RABEP1: variants seen among roughly 807,000 people sequenced by gnomAD.
RABEP1 encodes rab GTPase-binding effector protein 1.
Under a neutral mutation model 123.4 loss-of-function variants are expected in RABEP1, and 51 were observed. The observed-to-expected ratio is 0.41, with a 90% CI of 0.33 to 0.52. The LOEUF (loss-of-function observed/expected upper bound fraction) is 0.52. Ranked by LOEUF, RABEP1 falls within the 20% of genes least tolerant of loss-of-function variation. The pLI is 0.16. For synonymous variants in RABEP1, 347 were observed against 355.2 expected (o/e 0.98, Z 0.26); for missense variants, 888 against 996.3 (o/e 0.89, Z 1.46).
intron 8 of RABEP1, among the ~76,000 whole-genome samples, chr17:5,359,336 A>G (rs192448236): frequency 6.6e-6 from 1 of 152,084 alleles, no homozygotes; most frequent in African/African-American, 2.4e-5. Flanking sequence ...GGCCTCCCAA[A>G]GTGCTGGGAT....
chr17:5,367,127 T>C (rs983440783), intron 11 of RABEP1, among the ~76,000 whole-genome samples: 6 of 151,970 alleles, frequency 3.9e-5, no homozygotes, highest in African/African-American at 1.5e-4. Flanking sequence ...ATTATTTCTT[T>C]ATGGTTTGTG....
At chr17:5,375,208 A>G (rs1367621425) in intron 13 of RABEP1, among the ~76,000 whole-genome samples, 1 of 146,782 alleles carries the variant, frequency 6.8e-6, no homozygotes, top group African/African-American at 2.5e-5. Context: ...CTTTTTTCCT[A>G]TATATGTATT....
In RABEP1 at chr17:5,386,175, C is replaced by A; in HGVS notation, c.*2952C>A. The A allele has an allele frequency of 6.4e-7, 1 of 1,556,276 alleles. No individual in the cohort carries two copies. Among genetic ancestry groups the A allele is most frequent in the African/African-American group, 1.4e-5 (1 of 73,232 alleles). On this transcript the variant is annotated 3_prime_UTR_variant, in exon 18 of 18. Coordinates refer to ENST00000537505, the MANE Select transcript of RABEP1 (RefSeq NM_004703.6). ...ATGGGTTTAAGCCTTCAATGGTGTTCAGTTCAGGTGTGAGTCAGCTCCTGG... is the reference window on the plus strand; with the variant it reads ...ATGGGTTTAAGCCTTCAATGGTGTTAAGTTCAGGTGTGAGTCAGCTCCTGG...
At chr17:5,344,554 C>T (rs1907900685) in intron 5 of RABEP1, among the ~76,000 whole-genome samples, 1 of 151,662 alleles carries the variant, frequency 6.6e-6, no homozygotes, top group South Asian at 2.1e-4. Context: ...GGGCGGATCA[C>T]GAGGTCAGGA....
chr17:5,356,216 C>T (rs553000195), intron 8 of RABEP1, among the ~76,000 whole-genome samples: 4 of 152,122 alleles, frequency 2.6e-5, no homozygotes, highest in South Asian at 4.2e-4. Flanking sequence ...ATTAGCTGGG[C>T]GAGGTGGTGG....
chr17:5,298,857 G>A (rs1028510683), intron 1 of RABEP1, among the ~76,000 whole-genome samples: 2 of 151,852 alleles, frequency 1.3e-5, no homozygotes, highest in East Asian at 1.9e-4. Context: ...GGGTTTCACC[G>A]TGTTAGCCAG....
At chr17:5,372,549 G>T (rs894962086) in intron 12 of RABEP1, among the ~76,000 whole-genome samples, 1 of 152,216 alleles carries the variant, frequency 6.6e-6, no homozygotes, top group Non-Finnish European at 1.5e-5. Flanking sequence ...CATTCACAGT[G>T]ATTCCGAGCC....
intron 5 of RABEP1, among the ~76,000 whole-genome samples, chr17:5,341,367 A>T (rs1275164118): frequency 1.3e-5 from 2 of 152,230 alleles, no homozygotes; most frequent in Admixed American, 1.3e-4. Flanking sequence ...AGATGAAAAA[A>T]TTTCTAATAA....
At chr17:5,324,306 C>T (rs532944782) in intron 2 of RABEP1, among the ~76,000 whole-genome samples, 2 of 152,190 alleles carry the variant, frequency 1.3e-5, no homozygotes, top group Admixed American at 6.5e-5. Context: ...AACTCATCTG[C>T]AACAAAGGCA....
intron 1 of RABEP1, 49 bp from the exon 2 acceptor site, chr17:5,308,645 A>C (rs2075204734): frequency 2.0e-6 from 3 of 1,533,412 alleles, no homozygotes; most frequent in African/African-American, 2.8e-5. Context: ...TGTTTTATAA[A>C]TTTATGAATA....
In RABEP1 at chr17:5,383,857, T is replaced by C; in HGVS notation, c.*634T>C. The C allele has an allele frequency of 4.5e-6, 1 of 223,614 alleles. No individual in the cohort carries two copies. The highest frequency in any genetic ancestry group is 8.9e-6 in the Non-Finnish European group (1 of 112,034). The allele number at this position is 223,614 out of a possible 1,614,324, so 13.9% of individuals were successfully genotyped here. On this transcript the variant is annotated 3_prime_UTR_variant, in exon 18 of 18. Transcript: ENST00000537505. The stretch of plus-strand genomic sequence containing the variant: ...AAAACCAATTCATGAAGTGAATTAA[T>C]GATGAGGATCTGAAAACTTGGCTGG...
chr17:5,282,440 C>A lies in RABEP1; in HGVS notation c.-47C>A. 6 of 1,320,014 alleles carry A rather than the reference C, an allele frequency of 4.5e-6. No individual in the cohort carries two copies. The highest frequency in any genetic ancestry group is 4.9e-6 in the Non-Finnish European group (5 of 1,014,100). The allele number at this position is 1,320,014 out of a possible 1,614,324, so 81.8% of individuals were successfully genotyped here. On this transcript the variant is annotated 5_prime_UTR_variant, in exon 1 of 18. Coordinates refer to ENST00000537505, the MANE Select transcript of RABEP1 (RefSeq NM_004703.6). Reference sequence around the variant, plus strand: ...CAGCTGAGCCCGCGGGAGCCCAGGACGCCGCTTCCCCGCCCATCCCCGCTC... The same window carrying A: ...CAGCTGAGCCCGCGGGAGCCCAGGAAGCCGCTTCCCCGCCCATCCCCGCTC...
At chr17:5,381,691 TTTTC>T (rs142433947) in intron 17 of RABEP1, 186 bp downstream of exon 17, 407,927 of 1,036,262 alleles carry the variant, frequency 0.39, 86,140 homozygotes, top group East Asian at 0.83. Flanking sequence ...CTTGGCCCAT[TTTTC>T]TTTTTCTGTA....
chr17:5,322,905 T>C (rs974706190), intron 2 of RABEP1, among the ~76,000 whole-genome samples: 1 of 152,050 alleles, frequency 6.6e-6, no homozygotes, highest in African/African-American at 2.4e-5. Context: ...TGAAACTCCG[T>C]CTTTACAAAA....
intron 2 of RABEP1, among the ~76,000 whole-genome samples, chr17:5,309,930 T>G (rs1172152946): frequency 6.6e-6 from 1 of 152,200 alleles, no homozygotes; most frequent in Non-Finnish European, 1.5e-5. Context: ...GGGATTTGGG[T>G]CCAGCTGCAC....
At chr17:5,321,499 A>ACAC (rs1387928270) in intron 2 of RABEP1, among the ~76,000 whole-genome samples, 1 of 152,216 alleles carries the variant, frequency 6.6e-6, no homozygotes, top group Non-Finnish European at 1.5e-5. Flanking sequence ...GGTCCCAGAT[A>ACAC]CACAGTAGGC....
chr17:5,304,015 CAA>C (rs751531987), intron 1 of RABEP1, among the ~76,000 whole-genome samples: 83 of 141,684 alleles, frequency 5.9e-4, no homozygotes, highest in Non-Finnish European at 1.0e-3. Flanking sequence ...GCCTGGGCGA[CAA>C]GAGCGAAATT....
chr17:5,378,956 G>T (rs1481342752), intron 15 of RABEP1, among the ~76,000 whole-genome samples: 1 of 152,116 alleles, frequency 6.6e-6, no homozygotes, highest in African/African-American at 2.4e-5. Context: ...TCCTGCTGCT[G>T]CCCTCACCTG....
chr17:5,315,005 C>T (rs114939366), intron 2 of RABEP1, among the ~76,000 whole-genome samples: 6 of 152,154 alleles, frequency 3.9e-5, no homozygotes, highest in African/African-American at 9.6e-5. Flanking sequence ...TTCAATTTGA[C>T]GAAAAATAGT....
Sources: gnomAD v4.1 joint callset for allele counts (sites outside exome capture counted in the v4.1 genomes callset) on GRCh38, gnomAD v4.1.1 for gene constraint, MANE v1.5 for transcripts, NCBI Gene and HGNC (gene_info 2026-07-23, HGNC 2026-07-21) for gene names.